TPR: variants seen among roughly 807,000 people sequenced by gnomAD.
The protein encoded by TPR is nucleoprotein TPR.
TPR carries 51 observed loss-of-function variants against 316.1 expected under a neutral mutation model. That is an observed-to-expected ratio of 0.16 (90% CI 0.13 to 0.20). TPR has a LOEUF of 0.20. Ranked by LOEUF, TPR falls within the 10% of genes least tolerant of loss-of-function variation. The pLI is 1.00. For synonymous variants in TPR, 981 were observed against 914.7 expected (o/e 1.07, Z -1.31); for missense variants, 2,272 against 2,754.8 (o/e 0.82, Z 3.92).
intron 18 of TPR, among the ~76,000 whole-genome samples, chr1:186,352,447 A>C (rs923122806): frequency 6.6e-6 from 1 of 151,842 alleles, no homozygotes; most frequent in Non-Finnish European, 1.5e-5. Context: ...ATACCTGACT[A>C]CTATTAAATT....
intron 22 of TPR, 110 bp downstream of exon 22, chr1:186,347,182 T>C (rs969205321): frequency 8.5e-7 from 1 of 1,178,250 alleles, no homozygotes; most frequent in Non-Finnish European, 1.2e-6. Flanking sequence ...TTAAAGGCAA[T>C]GACCCTGGTC....
intron 20 of TPR, among the ~76,000 whole-genome samples, chr1:186,350,812 T>C (rs1658837975): frequency 6.6e-6 from 1 of 152,030 alleles, no homozygotes; most frequent in Admixed American, 6.6e-5. Flanking sequence ...TTCATCAGAG[T>C]AGCGATCGCT....
At position 186,311,861 on chromosome 1, in the gene TPR, C is replaced by A; in HGVS notation, c.*2110G>T. ...TCGCTTCACAAATGTGCATGTCATC[C>A]TTGCACAAGGGCCATGCTAATCTCT... is the stretch of plus-strand genomic sequence containing the variant. On this transcript the variant is annotated 3_prime_UTR_variant, in exon 51 of 51. Transcript: ENST00000367478. 1 of 564,578 alleles carries A rather than the reference C, an allele frequency of 1.8e-6. No homozygotes were observed. The highest frequency in any genetic ancestry group is 3.1e-6 in the Non-Finnish European group (1 of 320,800). 35.0% of individuals were successfully genotyped at this position (564,578 alleles called of 1,614,324 possible).
intron 27 of TPR, chr1:186,342,750 CA>C (rs1658547283): frequency 6.6e-6 from 1 of 152,190 alleles, no homozygotes; most frequent in Non-Finnish European, 1.5e-5. Context: ...AGTAACTCAA[CA>C]ATAAGCTTTG....
At chr1:186,336,911 T>C in intron 32 of TPR, 102 bp downstream of exon 32, 1 of 1,519,966 alleles carries the variant, frequency 6.6e-7, no homozygotes, top group Non-Finnish European at 8.9e-7. Context: ...GAATAAAATG[T>C]ATCCATTCCC....
intron 39 of TPR, among the ~76,000 whole-genome samples, chr1:186,330,670 C>A (rs1051542491): frequency 1.3e-5 from 2 of 152,054 alleles, no homozygotes; most frequent in Admixed American, 1.3e-4. Context: ...CCTGTCCCTG[C>A]CCTGTGTGAA....
intron 35 of TPR, among the ~76,000 whole-genome samples, chr1:186,334,864 G>C (rs1375780892): frequency 1.3e-5 from 2 of 152,110 alleles, no homozygotes; most frequent in Admixed American, 6.6e-5. Context: ...CGTTTTCTCT[G>C]TCACAAAGCT....
intron 31 of TPR, 103 bp from the exon 32 acceptor site, chr1:186,337,259 T>C (rs890910315): frequency 2.9e-6 from 4 of 1,385,852 alleles, no homozygotes; most frequent in East Asian, 5.0e-5. Context: ...AAAGAAATTT[T>C]ATCCCTGAAG....
In TPR at chr1:186,327,503, T is replaced by C. The variant is rs1162405176; in HGVS notation, c.5846A>G (p.Asp1949Gly). The C allele has an allele frequency of 1.9e-6, 3 of 1,610,868 alleles. No individual in the cohort carries two copies. The highest frequency in any genetic ancestry group is 2.2e-5 in the South Asian group (2 of 90,972). Residue 1949 changes from aspartate (D) to glycine (G), a missense_variant, in exon 40 of 51, where the codon GAT (aspartate) becomes GGT (glycine). By Grantham distance (94) the Asp-to-Gly change is moderately conservative. Transcript: ENST00000367478. ...KGDDVIVIDS[D>G]DEEEDDDEND... Reference sequence around the variant, plus strand: ...TTCATCATCATCCTCTTCTTCATCATCACTGTCAATTACAATGACATCATC... The same window carrying C: ...TTCATCATCATCCTCTTCTTCATCACCACTGTCAATTACAATGACATCATC...
At chr1:186,348,822 A>G (rs139387753) in intron 21 of TPR, among the ~76,000 whole-genome samples, 48 of 152,294 alleles carry the variant, frequency 3.2e-4, no homozygotes, top group African/African-American at 1.1e-3. Context: ...TTAAATCTAA[A>G]ATTTAGCCCA....
Position 186,332,310 on chromosome 1 carries a change from C to T in TPR, c.5489G>A (p.Arg1830His), listed in dbSNP as rs1201405326. 3.7e-6 allele frequency: 6 copies of T among 1,612,328 alleles called. No individual in the cohort carries two copies. Among genetic ancestry groups the T allele is most frequent in the South Asian group, 1.1e-5 (1 of 90,758 alleles). Residue 1830 changes from arginine (R) to histidine (H), a missense_variant, in exon 38 of 51, where the codon CGT becomes CAT. Coordinates refer to ENST00000367478, the MANE Select transcript of TPR (RefSeq NM_003292.3). Reference protein sequence around the residue: ...SATPSSSLPKRTREEEEDSTI... With the variant: ...SATPSSSLPKHTREEEEDSTI... ...GCTATCCTCTTCCTCTTCACGTGTA[C>T]GCTTTGGCAAAGAAGAACTGGGGGT... is the stretch of plus-strand genomic sequence containing the variant.
rs567739555 is a variant in TPR, at chr1:186,338,189, A to G, written c.4206T>C (p.Asp1402=). ...NQNLIQSLKE[D]LNKVRTEKET... ...CCTTTTCAGTTCTTACTTTATTTAGATCTTCCTTCAGACTCTGAATTAAGT... is the reference window on the plus strand; with the variant it reads ...CCTTTTCAGTTCTTACTTTATTTAGGTCTTCCTTCAGACTCTGAATTAAGT... Residue 1402 remains aspartate, a synonymous_variant, in exon 31 of 51, where the codon GAT becomes GAC. Coordinates refer to ENST00000367478, the MANE Select transcript of TPR (RefSeq NM_003292.3). 7.4e-6 allele frequency: 12 copies of G among 1,612,904 alleles called. No homozygotes were observed. The Admixed American group carries it at 1.5e-4, about 20-fold the overall frequency.
rs748502593 is a variant in TPR at position 186,333,371 on chromosome 1, C to T, written c.5206G>A (p.Glu1736Lys). The stretch of plus-strand genomic sequence containing the variant: ...GTGCTTCCAAAAACTGGAACATGTT[C>T]CACAGGCCCTTCTGACTGCATAGCT... ...QEAMQSEGPV[E>K]HVPVFGSTSG... Residue 1736 changes from glutamate to lysine, a missense_variant, in exon 37 of 51, where the codon GAA becomes AAA. Coordinates refer to ENST00000367478, the MANE Select transcript of TPR (RefSeq NM_003292.3). The T allele has an allele frequency of 6.2e-7, 1 of 1,613,438 alleles. No homozygotes were observed. The highest frequency in any genetic ancestry group is 1.1e-5 in the South Asian group (1 of 91,062).
chr1:186,367,211 G>A (rs1302855132), intron 4 of TPR, among the ~76,000 whole-genome samples: 1 of 151,924 alleles, frequency 6.6e-6, no homozygotes, highest in Admixed American at 6.6e-5. Flanking sequence ...GATTACAGGT[G>A]CGTGCCACCA....
chr1:186,353,939 C>A, intron 17 of TPR, 89 bp from the exon 18 acceptor site: 1 of 1,167,208 alleles, frequency 8.6e-7, no homozygotes, highest in Non-Finnish European at 1.2e-6. Context: ...TAACCCATTT[C>A]CCCAAATGCC....
intron 32 of TPR, 138 bp downstream of exon 32, chr1:186,336,875 C>A: frequency 1.4e-6 from 2 of 1,386,106 alleles, no homozygotes; most frequent in South Asian, 1.3e-5. Context: ...GTACTACTTA[C>A]ATACATGAGC....
At position 186,318,811 on chromosome 1, in the gene TPR, T is replaced by A; in HGVS notation, c.6586A>T (p.Thr2196Ser). The A allele has an allele frequency of 6.2e-7, 1 of 1,614,116 alleles. No individual in the cohort carries two copies. Reference sequence around the variant, plus strand: ...TCTTCATGAGCTAGGAACAGGGGTGTTTCATACATTCCTAAACCTAAAGAC... The same window carrying A: ...TCTTCATGAGCTAGGAACAGGGGTGATTCATACATTCCTAAACCTAAAGAC... ...ASQGGLGMYE[T>S]PLFLAHEEES... The change falls in exon 47 of 51, where the codon ACA (threonine) becomes TCA (serine). Residue 2196 changes from threonine (T) to serine (S), a missense_variant. This residue lies in a region of TPR where 88 missense variants were observed against 176.2 expected (regional missense o/e 0.50). Coordinates refer to ENST00000367478, the MANE Select transcript of TPR (RefSeq NM_003292.3).
chr1:186,345,124 C>T (rs535201477), intron 24 of TPR, among the ~76,000 whole-genome samples: 27 of 152,272 alleles, frequency 1.8e-4, no homozygotes, highest in Admixed American at 6.5e-4. Context: ...TGTGCACATA[C>T]ATACATACAC....
intron 31 of TPR, 136 bp from the exon 32 acceptor site, chr1:186,337,292 T>C (rs1007841506): frequency 9.4e-7 from 1 of 1,069,250 alleles, no homozygotes. Context: ...GAATTTTCTA[T>C]GAAACAACTG....
Sources: gnomAD v4.1 joint callset for allele counts (sites outside exome capture counted in the v4.1 genomes callset) on GRCh38, gnomAD v4.1.1 for gene constraint, gnomAD v4.1.1 regional missense constraint, MANE v1.5 for transcripts, NCBI Gene and HGNC (gene_info 2026-07-23, HGNC 2026-07-21) for gene names.